Variants in FER observed in about 807,000 individuals in gnomAD.
FER encodes tyrosine-protein kinase Fer.
FER carries 63 observed loss-of-function variants against 111.0 expected under a neutral mutation model. The observed-to-expected ratio is 0.57, with a 90% confidence interval of 0.46 to 0.70. The LOEUF (loss-of-function observed/expected upper bound fraction) is 0.70, where lower values mean the gene tolerates loss of function less well. Ranked by LOEUF, FER falls within the 30% of genes least tolerant of loss-of-function variation. The pLI is 0.00. For missense variants in FER, 914 were observed against 954.0 expected (o/e 0.96, Z 0.55); for synonymous variants, 327 against 313.9 (o/e 1.04, Z -0.44).
chr5:108,826,440 A>G (rs1168813782), intron 3 of FER, among the ~76,000 whole-genome samples: 1 of 151,948 alleles, frequency 6.6e-6, no homozygotes, highest in African/African-American at 2.4e-5. Flanking sequence ...TTTTGTAGAC[A>G]TGGTGCCTTC....
At chr5:109,185,502 G>T (rs145625821) in intron 18 of FER, among the ~76,000 whole-genome samples, 1 of 152,090 alleles carries the variant, frequency 6.6e-6, no homozygotes, top group Non-Finnish European at 1.5e-5. Flanking sequence ...AGACAAAATC[G>T]CAGGAATCCA....
chr5:108,901,369 T>C (rs901809387), intron 10 of FER, among the ~76,000 whole-genome samples: 8 of 152,114 alleles, frequency 5.3e-5, no homozygotes, highest in African/African-American at 1.9e-4. Flanking sequence ...GATTAAAGAA[T>C]TAAAGCTGTG....
intron 17 of FER, among the ~76,000 whole-genome samples, chr5:109,109,046 A>G (rs977750993): frequency 6.6e-6 from 1 of 152,106 alleles, no homozygotes; most frequent in Non-Finnish European, 1.5e-5. Context: ...TTCCATCCAC[A>G]TTGCCAACTC....
chr5:109,149,047 C>T (rs1754538864), intron 17 of FER, among the ~76,000 whole-genome samples: 1 of 151,862 alleles, frequency 6.6e-6, no homozygotes, highest in Non-Finnish European at 1.5e-5. Context: ...CTAAAAGGTC[C>T]AAATAATAGT....
chr5:109,187,387 T>C (rs779792583), intron 19 of FER, 46 bp from the exon 20 acceptor site: 3 of 1,597,650 alleles, frequency 1.9e-6, no homozygotes, highest in African/African-American at 1.3e-5. Flanking sequence ...ACATTTTGTG[T>C]CTTACCTCCA....
At chr5:108,800,144 C>A (rs1160576762) in intron 3 of FER, among the ~76,000 whole-genome samples, 1 of 152,114 alleles carries the variant, frequency 6.6e-6, no homozygotes, top group Non-Finnish European at 1.5e-5. Context: ...TCTTGACCTC[C>A]CTTTTGCAGG....
chr5:108,987,054 A>G (rs562363526), intron 13 of FER, among the ~76,000 whole-genome samples: 1 of 152,210 alleles, frequency 6.6e-6, no homozygotes, highest in South Asian at 2.1e-4. Flanking sequence ...CATTCTCATA[A>G]TATTGATTCT....
At chr5:109,000,673 T>TA (rs1764647730) in intron 13 of FER, among the ~76,000 whole-genome samples, 2 of 151,334 alleles carry the variant, frequency 1.3e-5, no homozygotes, top group Admixed American at 1.3e-4. Context: ...CTGAAGGAAA[T>TA]AGAGACACAA....
At chr5:108,920,071 A>G (rs527587715) in intron 10 of FER, among the ~76,000 whole-genome samples, 35 of 152,210 alleles carry the variant, frequency 2.3e-4, no homozygotes, top group Admixed American at 8.5e-4. Context: ...TCCCCTTATT[A>G]TAGATATTTT....
chr5:108,816,783 GC>G (rs1394926347), intron 3 of FER, among the ~76,000 whole-genome samples: 3 of 152,056 alleles, frequency 2.0e-5, no homozygotes, highest in African/African-American at 7.2e-5. Context: ...TGGCCTTAGA[GC>G]CAATAATTGG....
chr5:109,156,112 A>C lies in FER; in HGVS notation c.2049-24635A>C, dbSNP rs138336578. Reference sequence around the variant, plus strand: ...TAATCTGTATTTACTAAGGCTAAGAAATGATAAGATTTGTGTTATAGAAAT... The same window carrying C: ...TAATCTGTATTTACTAAGGCTAAGACATGATAAGATTTGTGTTATAGAAAT... On this transcript the variant is annotated intron_variant, in intron 17 of 19. Transcript: ENST00000281092. 1.9e-3 allele frequency among the ~76,000 whole-genome samples: 285 copies of C among 152,180 alleles called. 1 individual carries two copies. Among genetic ancestry groups the C allele is most frequent in the African/African-American group, 6.6e-3 (273 of 41,554 alleles).
chr5:108,818,775 A>G (rs1222593029), intron 3 of FER, among the ~76,000 whole-genome samples: 6 of 152,052 alleles, frequency 3.9e-5, no homozygotes, highest in Admixed American at 3.9e-4. Flanking sequence ...GGCCTCTTTC[A>G]TTTTCATATC....
intron 3 of FER, chr5:108,819,813 C>A (rs1758658204): frequency 2.0e-6 from 2 of 984,954 alleles, no homozygotes; most frequent in South Asian, 4.7e-5. Context: ...TTAGTTTATA[C>A]CTTCTGGGAG....
At chr5:108,831,087 A>T (rs559926462) in intron 3 of FER, among the ~76,000 whole-genome samples, 3 of 152,296 alleles carry the variant, frequency 2.0e-5, no homozygotes, top group African/African-American at 7.2e-5. Context: ...GGGATGTACC[A>T]TTCTGGGAGA....
chr5:109,052,450 T>A, intron 16 of FER: 3 of 1,246,028 alleles, frequency 2.4e-6, no homozygotes, highest in Non-Finnish European at 3.5e-6. Context: ...AGTGCTCCAG[T>A]CACGCATGTT....
chr5:109,164,298 G>T (rs564253007), intron 17 of FER, among the ~76,000 whole-genome samples: 115 of 152,246 alleles, frequency 7.6e-4, no homozygotes, highest in Non-Finnish European at 1.2e-3. Flanking sequence ...GTTTTCACAT[G>T]GATAGAATTT....
intron 16 of FER, among the ~76,000 whole-genome samples, chr5:109,062,688 C>T (rs568463625): frequency 5.8e-4 from 89 of 152,206 alleles, no homozygotes; most frequent in African/African-American, 2.1e-3. Context: ...AGTACAATAA[C>T]ACCTGTGCTG....
intron 5 of FER, among the ~76,000 whole-genome samples, chr5:108,860,366 T>G (rs1298950081): frequency 6.6e-6 from 1 of 152,252 alleles, no homozygotes; most frequent in Non-Finnish European, 1.5e-5. Context: ...TTTCTGCCAT[T>G]TAATCTACAT....
chr5:109,076,220 A>G (rs1002368598), intron 16 of FER, among the ~76,000 whole-genome samples: 1 of 152,208 alleles, frequency 6.6e-6, no homozygotes. Context: ...ATTCAAAGTT[A>G]TCTTCTATCA....
Sources: allele counts gnomAD v4.1 joint callset (sites outside exome capture counted in the v4.1 genomes callset), GRCh38; gene constraint gnomAD v4.1.1; transcripts MANE v1.5; gene names NCBI Gene and HGNC (gene_info 2026-07-23, HGNC 2026-07-21).